Variants in ANGPT1 observed in about 807,000 individuals in gnomAD.
ANGPT1 encodes the protein angiopoietin 1.
Under a neutral mutation model 62.2 loss-of-function variants are expected in ANGPT1, and 17 were observed. The observed-to-expected ratio is 0.27, with a 90% CI of 0.19 to 0.41. The LOEUF is 0.41. ANGPT1 is among the 10% of genes least tolerant of loss of function. The pLI is 1.00. For synonymous variants in ANGPT1, 199 were observed against 198.9 expected, an observed-to-expected ratio of 1.00 and a Z score of 0.00; for missense variants, 478 against 594.9, an observed-to-expected ratio of 0.80 and a Z score of 2.04.
intron 1 of ANGPT1, among the ~76,000 whole-genome samples, chr8:107,490,076 C>G (rs1812918609): frequency 6.6e-6 from 1 of 152,168 alleles, no homozygotes; most frequent in Non-Finnish European, 1.5e-5. Flanking sequence ...GCTGATAAAA[C>G]TCTGTGTTTT....
At chr8:107,287,504 G>A (rs1814170975) in intron 6 of ANGPT1, among the ~76,000 whole-genome samples, 1 of 152,144 alleles carries the variant, frequency 6.6e-6, no homozygotes, top group Non-Finnish European at 1.5e-5. Flanking sequence ...AGAGCAAAAG[G>A]TTTGAGTACA....
chr8:107,406,181 T>C (rs1817144736), intron 1 of ANGPT1, among the ~76,000 whole-genome samples: 1 of 151,914 alleles, frequency 6.6e-6, no homozygotes, highest in Non-Finnish European at 1.5e-5. Flanking sequence ...TTGTATTTAT[T>C]CCCCATTAAA....
At chr8:107,485,809 A>C (rs912389595) in intron 1 of ANGPT1, among the ~76,000 whole-genome samples, 1 of 152,216 alleles carries the variant, frequency 6.6e-6, no homozygotes, top group Non-Finnish European at 1.5e-5. Context: ...CATTACATTG[A>C]ATGGAAGATA....
intron 5 of ANGPT1, among the ~76,000 whole-genome samples, chr8:107,297,645 G>A (rs922051985): frequency 1.3e-5 from 2 of 149,190 alleles, no homozygotes; most frequent in African/African-American, 2.4e-5. Flanking sequence ...AAAACATGTA[G>A]AAGTTCAATA....
intron 1 of ANGPT1, among the ~76,000 whole-genome samples, chr8:107,460,753 A>C (rs1239591363): frequency 6.6e-6 from 1 of 152,208 alleles, no homozygotes; most frequent in Non-Finnish European, 1.5e-5. Flanking sequence ...CAAATAAGCC[A>C]ATTCCAGTTA....
intron 6 of ANGPT1, among the ~76,000 whole-genome samples, chr8:107,288,029 A>G (rs1232488256): frequency 6.6e-6 from 1 of 152,148 alleles, no homozygotes; most frequent in East Asian, 1.9e-4. Context: ...GTGGGGAAAC[A>G]AGTTCCTTTC....
chr8:107,437,966 C>A (rs1282552559), intron 1 of ANGPT1, among the ~76,000 whole-genome samples: 1 of 152,134 alleles, frequency 6.6e-6, no homozygotes, highest in Non-Finnish European at 1.5e-5. Context: ...CCCTCCAGTG[C>A]GCTGTGACCC....
At chr8:107,405,813 T>G (rs1490394513) in intron 1 of ANGPT1, among the ~76,000 whole-genome samples, 2 of 151,922 alleles carry the variant, frequency 1.3e-5, no homozygotes, top group Non-Finnish European at 2.9e-5. Flanking sequence ...TATAAATTAT[T>G]TAAATTTTTT....
chr8:107,282,348 G>A (rs942855987), intron 7 of ANGPT1, among the ~76,000 whole-genome samples: 1 of 151,334 alleles, frequency 6.6e-6, no homozygotes, highest in African/African-American at 2.4e-5. Context: ...CACATTGAAT[G>A]AGGCAGGAGT....
intron 1 of ANGPT1, among the ~76,000 whole-genome samples, chr8:107,350,531 A>G (rs1001452619): frequency 6.6e-6 from 1 of 152,082 alleles, no homozygotes; most frequent in Non-Finnish European, 1.5e-5. Flanking sequence ...TTTTAATTAT[A>G]AAAGTTAACA....
chr8:107,410,475 C>A (rs1222933105), intron 1 of ANGPT1, among the ~76,000 whole-genome samples: 2 of 152,092 alleles, frequency 1.3e-5, no homozygotes, highest in Non-Finnish European at 2.9e-5. Context: ...CTATGAGCAT[C>A]AAAAACTTGT....
chr8:107,315,703 A>AT (rs1325339700), intron 4 of ANGPT1, among the ~76,000 whole-genome samples: 1 of 151,348 alleles, frequency 6.6e-6, no homozygotes. Flanking sequence ...TTACACTGTC[A>AT]TTTTTTCATA....
rs145955273 is a variant in ANGPT1, at chr8:107,365,594, A to G, written c.298-18497T>C. Among the ~76,000 whole-genome samples, 721 of 152,230 alleles carry G rather than the reference A, an allele frequency of 4.7e-3. 5 individuals carry two copies. The highest frequency in any genetic ancestry group is 0.017 in the African/African-American group (689 of 41,522). On this transcript the variant is annotated intron_variant, in intron 1 of 8. Transcript: ENST00000517746. ...GGCATGTCTACTGGTCTAACATGGA[A>G]AGGTCATGATTCCATGAGCATTGGG...
rs532852127 is a variant in ANGPT1 at position 107,472,349 on chromosome 8, A to G, written c.297+24913T>C. ...AGAAGAACCACTATGAGCCATCCACACTTAATGAGTGAGGAGTTATGCTCA... is the reference window on the plus strand; with the variant it reads ...AGAAGAACCACTATGAGCCATCCACGCTTAATGAGTGAGGAGTTATGCTCA... On this transcript the variant is annotated intron_variant, in intron 1 of 8. Transcript: ENST00000517746. 1.2e-3 allele frequency among the ~76,000 whole-genome samples: 181 copies of G among 152,140 alleles called. 1 individual carries two copies. Among genetic ancestry groups the G allele is most frequent in the Non-Finnish European group, 2.0e-3 (138 of 67,970 alleles).
chr8:107,294,122 C>T (rs1814352107), intron 5 of ANGPT1, 85 bp from the exon 6 acceptor site: 8 of 1,086,974 alleles, frequency 7.4e-6, no homozygotes, highest in East Asian at 4.9e-5. Context: ...AGGAATAAGG[C>T]GAACAGGTCT....
At chr8:107,477,489 T>C (rs1333777815) in intron 1 of ANGPT1, among the ~76,000 whole-genome samples, 1 of 152,170 alleles carries the variant, frequency 6.6e-6, no homozygotes, top group Non-Finnish European at 1.5e-5. Context: ...CATGGGTCCG[T>C]GTGTTTTCAC....
chr8:107,468,432 A>G (rs1030214620), intron 1 of ANGPT1, among the ~76,000 whole-genome samples: 1 of 152,100 alleles, frequency 6.6e-6, no homozygotes, highest in Non-Finnish European at 1.5e-5. Context: ...CAATCAAAAT[A>G]GTCATTCAAA....
chr8:107,380,978 G>A (rs1309267195), intron 1 of ANGPT1, among the ~76,000 whole-genome samples: 1 of 152,236 alleles, frequency 6.6e-6, no homozygotes, highest in Non-Finnish European at 1.5e-5. Context: ...GGGTACTCCA[G>A]ATGGATTTTG....
intron 1 of ANGPT1, among the ~76,000 whole-genome samples, chr8:107,419,736 A>G (rs977000378): frequency 7.2e-5 from 11 of 152,124 alleles, no homozygotes; most frequent in African/African-American, 2.7e-4. Flanking sequence ...TAACATGCAA[A>G]TCGACCCAAC....
Sources: allele counts gnomAD v4.1 joint callset (sites outside exome capture counted in the v4.1 genomes callset), GRCh38; gene constraint gnomAD v4.1.1; transcripts MANE v1.5; gene names NCBI Gene and HGNC (gene_info 2026-07-23, HGNC 2026-07-21).